Variants in TRIM55 observed in about 807,000 individuals in gnomAD.
TRIM55 encodes tripartite motif-containing protein 55.
In TRIM55, 50 loss-of-function variants were observed where a neutral mutation model predicts 60.9. The observed-to-expected ratio is 0.82, with a 90% CI of 0.65 to 1.04. The LOEUF (loss-of-function observed/expected upper bound fraction) is 1.04, where lower values mean the gene tolerates loss of function less well. TRIM55 is among the 50% of genes least tolerant of loss of function. TRIM55 has a pLI of 0.00. For synonymous variants in TRIM55, 237 were observed against 238.1 expected (o/e 1.00, Z 0.04); for missense variants, 681 against 666.9 (o/e 1.02, Z -0.23).
upstream of TRIM55, among the ~76,000 whole-genome samples, chr8:66,123,062 G>A (rs1364896358): frequency 1.3e-5 from 2 of 152,182 alleles, no homozygotes; most frequent in Non-Finnish European, 2.9e-5. Flanking sequence ...TCTGAAGCCT[G>A]CTACCCGGAA....
chr8:66,164,532 G>A (rs182519292), intron 9 of TRIM55, among the ~76,000 whole-genome samples: 1 of 152,282 alleles, frequency 6.6e-6, no homozygotes, highest in African/African-American at 2.4e-5. Flanking sequence ...TGTCCTCTTG[G>A]CTGAGAAAGT....
At chr8:66,139,865 A>T (rs1033135802) in intron 4 of TRIM55, among the ~76,000 whole-genome samples, 1 of 152,216 alleles carries the variant, frequency 6.6e-6, no homozygotes, top group African/African-American at 2.4e-5. Flanking sequence ...GTATATTCAT[A>T]TATAACAGTA....
chr8:66,134,947 C>T lies in TRIM55; in HGVS notation c.342-43C>T, dbSNP rs182317829. ...TCAGCTCTGCCTTGATGAGATTGCC[C>T]CAGTGAGAGCTGATGGACATTTATC... On this transcript the variant is annotated intron_variant, in intron 2 of 9. Transcript: ENST00000315962. The T allele has an allele frequency of 8.0e-5, 128 of 1,604,134 alleles. 1 individual carries two copies. The Admixed American group carries it at 2.1e-3, about 26-fold the overall frequency.
Position 66,134,993 on chromosome 8 carries a change from A to G in TRIM55, c.345A>G (p.Pro115=), listed in dbSNP as rs1328328965. 2 of 1,614,070 alleles carry G rather than the reference A, an allele frequency of 1.2e-6. No homozygotes were observed. Among genetic ancestry groups the G allele is most frequent in the Middle Eastern group, 1.7e-4 (1 of 6,056 alleles). ...TTATCTGCCTACCTCCTCCCAGGCCAGAAAAGAAATCCGACCAGCCCATGT... is the reference window on the plus strand; with the variant it reads ...TTATCTGCCTACCTCCTCCCAGGCCGGAAAAGAAATCCGACCAGCCCATGT... The part of the protein sequence containing the change: ...IDIYKQESTR[P]EKKSDQPMCE... The change falls in exon 3 of 10, where the codon CCA becomes CCG. Residue 115 remains proline (P), a synonymous_variant. Transcript: ENST00000315962.
At chr8:66,114,137 C>G in the TRIM55 span, among the ~76,000 whole-genome samples, 1 of 140,936 alleles carries the variant, frequency 7.1e-6, no homozygotes, top group African/African-American at 2.6e-5. Context: ...CTTCAGCGCT[C>G]AATGTTCTGA....
intron 2 of TRIM55, 152 bp from the exon 3 acceptor site, chr8:66,134,838 C>A: frequency 1.3e-6 from 1 of 742,438 alleles, no homozygotes; most frequent in South Asian, 1.9e-5. Context: ...GGGCTCTGAG[C>A]ATGTGAAAGG....
intron 2 of TRIM55, among the ~76,000 whole-genome samples, chr8:66,131,116 G>T (rs1809130719): frequency 6.6e-6 from 1 of 152,118 alleles, no homozygotes; most frequent in Admixed American, 6.5e-5. Context: ...ACTATGTGCT[G>T]CATGCCAGAC....
chr8:66,123,857 C>CTT (rs1280634039), upstream of TRIM55, among the ~76,000 whole-genome samples: 1 of 152,156 alleles, frequency 6.6e-6, no homozygotes, highest in Non-Finnish European at 1.5e-5. Context: ...CCCTCTGTCT[C>CTT]TTAAAAGAAA....
chr8:66,113,686 G>C, the TRIM55 span: 5 of 424,984 alleles, frequency 1.2e-5, no homozygotes, highest in African/African-American at 8.2e-5. Context: ...AGCGACTGCC[G>C]GGTCACGACT....
At chr8:66,146,055 T>C (rs980484156) in intron 4 of TRIM55, among the ~76,000 whole-genome samples, 6 of 152,184 alleles carry the variant, frequency 3.9e-5, no homozygotes, top group African/African-American at 1.4e-4. Context: ...TAATATTCCA[T>C]GCAGCTTCAA....
the TRIM55 span, among the ~76,000 whole-genome samples, chr8:66,114,087 C>CA: frequency 2.3e-5 from 3 of 132,696 alleles, 1 homozygote; most frequent in South Asian, 6.1e-4. Context: ...GAGACACCCC[C>CA]CCCCCCATTA....
At chr8:66,122,853 T>TAGCA (rs1808684761), upstream of TRIM55, among the ~76,000 whole-genome samples, 1 of 152,224 alleles carries the variant, frequency 6.6e-6, no homozygotes, top group Non-Finnish European at 1.5e-5. Context: ...GACTCTAGTA[T>TAGCA]AGCATCGTAT....
At chr8:66,147,585 A>G (rs1810163480) in intron 4 of TRIM55, among the ~76,000 whole-genome samples, 1 of 152,082 alleles carries the variant, frequency 6.6e-6, no homozygotes, top group Non-Finnish European at 1.5e-5. Flanking sequence ...TCATGAGGTC[A>G]GGAGTTTGAG....
intron 8 of TRIM55, 123 bp downstream of exon 8, chr8:66,152,750 G>A (rs1563382022): frequency 1.5e-6 from 2 of 1,298,294 alleles, no homozygotes; most frequent in East Asian, 2.4e-5. Context: ...TTCGTATATG[G>A]TAGACGAAAG....
At chr8:66,123,915 A>G (rs151321981), upstream of TRIM55, among the ~76,000 whole-genome samples, 242 of 152,126 alleles carry the variant, frequency 1.6e-3, 4 homozygotes, top group East Asian at 0.034. Context: ...CTGCTAAATT[A>G]GGTTATGAAC....
At chr8:66,148,279 T>A (rs1810214415) in intron 4 of TRIM55, among the ~76,000 whole-genome samples, 1 of 152,246 alleles carries the variant, frequency 6.6e-6, no homozygotes, top group South Asian at 2.1e-4. Context: ...TGGATGGTAC[T>A]GGAGATACTT....
chr8:66,132,337 C>T (rs1185870550), intron 2 of TRIM55, among the ~76,000 whole-genome samples: 2 of 152,156 alleles, frequency 1.3e-5, no homozygotes, highest in African/African-American at 4.8e-5. Context: ...CCTGTAATCC[C>T]AGCAACTTGG....
At chr8:66,148,588 C>T (rs1158180518) in intron 4 of TRIM55, among the ~76,000 whole-genome samples, 1 of 152,088 alleles carries the variant, frequency 6.6e-6, no homozygotes, top group African/African-American at 2.4e-5. Flanking sequence ...GAAGGGAAAG[C>T]ATGAACAAAG....
intron 7 of TRIM55, 53 bp from the exon 8 acceptor site, chr8:66,152,324 T>A (rs558572762): frequency 6.5e-7 from 1 of 1,529,680 alleles, no homozygotes; most frequent in South Asian, 1.2e-5. Flanking sequence ...ATTAACTGTG[T>A]CCATGGCTGC....
Sources: allele counts gnomAD v4.1 joint callset (sites outside exome capture counted in the v4.1 genomes callset), GRCh38; gene constraint gnomAD v4.1.1; transcripts MANE v1.5; gene names NCBI Gene and HGNC (gene_info 2026-07-23, HGNC 2026-07-21).